PTPRM: variants seen among roughly 807,000 people sequenced by gnomAD.
PTPRM encodes receptor-type tyrosine-protein phosphatase mu.
Under a neutral mutation model 186.7 loss-of-function variants are expected in PTPRM, and 47 were observed. The ratio of observed to expected loss-of-function variants is 0.25; its 90% confidence interval spans 0.20 to 0.32. PTPRM has a LOEUF of 0.32. Ranked by LOEUF, PTPRM falls within the 10% of genes least tolerant of loss-of-function variation. The probability of loss-of-function intolerance (pLI) is 1.00; values close to 1 mark genes in which losing one functional copy is unlikely to be tolerated. For synonymous variants in PTPRM, 668 were observed against 674.9 expected, an observed-to-expected ratio of 0.99 and a Z score of 0.16; for missense variants, 1,494 against 1,865.0, an observed-to-expected ratio of 0.80 and a Z score of 3.66.
At chr18:8,324,029 G>A in intron 22 of PTPRM, among the ~76,000 whole-genome samples, 1 of 152,098 alleles carries the variant, frequency 6.6e-6, no homozygotes, top group Non-Finnish European at 1.5e-5. Context: ...GCTATTTGGG[G>A]ATAAGACAGA....
chr18:8,318,506 A>G (rs1259073972), intron 21 of PTPRM, among the ~76,000 whole-genome samples: 1 of 151,896 alleles, frequency 6.6e-6, no homozygotes, highest in African/African-American at 2.4e-5. Context: ...CATGTTGTGC[A>G]GGCTGGTCTC....
rs2147587021 is a variant in PTPRM at position 8,268,041 on chromosome 18, T to A, written c.2754+14627T>A. 3.9e-5 allele frequency among the ~76,000 whole-genome samples: 6 copies of A among 152,282 alleles called. No homozygotes were observed. In the South Asian group the frequency reaches 1.2e-3, roughly 32 times the overall value. ...TTCTGTAGAAACATGTTGTTAATTC[T>A]CAGTATTTGTGTTTCCATAATTTTA... On this transcript the variant is annotated intron_variant, in intron 19 of 32. Coordinates refer to ENST00000580170, the MANE Select transcript of PTPRM (RefSeq NM_001105244.2).
chr18:7,688,578 T>C (rs1217119327), intron 1 of PTPRM, among the ~76,000 whole-genome samples: 1 of 152,144 alleles, frequency 6.6e-6, no homozygotes, highest in Non-Finnish European at 1.5e-5. Context: ...TTCAGGAGTA[T>C]TCCAAGGTCA....
intron 14 of PTPRM, among the ~76,000 whole-genome samples, chr18:8,200,029 CTT>C (rs1254153757): frequency 6.6e-6 from 1 of 152,074 alleles, no homozygotes; most frequent in African/African-American, 2.4e-5. Context: ...CAAAAAGAGA[CTT>C]TACAACTGTC....
At chr18:7,834,857 G>A (rs1186096181) in intron 2 of PTPRM, among the ~76,000 whole-genome samples, 1 of 151,654 alleles carries the variant, frequency 6.6e-6, no homozygotes, top group South Asian at 2.1e-4. Flanking sequence ...ATGTGTTTAG[G>A]GATTTGTTCG....
intron 7 of PTPRM, among the ~76,000 whole-genome samples, chr18:8,045,768 T>A (rs1420600327): frequency 6.6e-6 from 1 of 152,212 alleles, no homozygotes; most frequent in Non-Finnish European, 1.5e-5. Flanking sequence ...GGTCTGTGAA[T>A]GTACTAAAAA....
chr18:7,979,327 A>G (rs548784356), intron 7 of PTPRM, among the ~76,000 whole-genome samples: 3 of 152,292 alleles, frequency 2.0e-5, no homozygotes, highest in South Asian at 4.1e-4. Flanking sequence ...TGTACATAAA[A>G]CTATTTGGGA....
intron 14 of PTPRM, among the ~76,000 whole-genome samples, chr18:8,191,753 C>T (rs566989814): frequency 6.6e-6 from 1 of 152,284 alleles, no homozygotes; most frequent in African/African-American, 2.4e-5. Flanking sequence ...GGAGACTCCT[C>T]TGACTACATT....
Position 8,088,665 on chromosome 18 carries a change from T to C in PTPRM, c.1754-84T>C, listed in dbSNP as rs538765244. 91 of 1,128,376 alleles carry C rather than the reference T, an allele frequency of 8.1e-5. 3 individuals are homozygous for C. In the South Asian group the frequency reaches 1.1e-3, roughly 14 times the overall value. 69.9% of individuals were successfully genotyped at this position (1,128,376 alleles called of 1,614,324 possible). A position where few individuals can be genotyped will look rare whatever the true frequency, so the allele number is the denominator to read the frequency against. The stretch of plus-strand genomic sequence containing the variant: ...TAAAGTAAATGCACTGTGTTCTTAA[T>C]GCTCTTTGTAAAAGAAAGTGGAAAC... On this transcript the variant is annotated intron_variant, in intron 10 of 32. Coordinates refer to ENST00000580170, the MANE Select transcript of PTPRM (RefSeq NM_001105244.2).
chr18:7,930,846 C>A (rs1209293700), intron 5 of PTPRM, among the ~76,000 whole-genome samples: 1 of 151,944 alleles, frequency 6.6e-6, no homozygotes, highest in Non-Finnish European at 1.5e-5. Context: ...GTAAATAAAT[C>A]TGATGATGAC....
chr18:7,586,068 G>C (rs867754674), intron 1 of PTPRM, among the ~76,000 whole-genome samples: 15 of 152,130 alleles, frequency 9.9e-5, no homozygotes, highest in African/African-American at 3.6e-4. Context: ...TACAGGCCTG[G>C]AAATCAACTG....
chr18:7,998,123 G>A (rs145366021), intron 7 of PTPRM, among the ~76,000 whole-genome samples: 239 of 152,160 alleles, frequency 1.6e-3, no homozygotes, highest in African/African-American at 5.5e-3. Context: ...GTGAAGATAC[G>A]GAGTCAACCC....
intron 7 of PTPRM, among the ~76,000 whole-genome samples, chr18:8,021,334 AC>A (rs2085213636): frequency 6.7e-6 from 1 of 149,736 alleles, no homozygotes; most frequent in Non-Finnish European, 1.5e-5. Context: ...ACACACACAC[AC>A]ACACACACAC....
intron 2 of PTPRM, among the ~76,000 whole-genome samples, chr18:7,835,304 A>T (rs1057168553): frequency 6.6e-6 from 1 of 151,368 alleles, no homozygotes; most frequent in Non-Finnish European, 1.5e-5. Flanking sequence ...GTTTCAATAA[A>T]TTTTTTAATT....
chr18:8,265,006 A>G lies in PTPRM; in HGVS notation c.2754+11592A>G, dbSNP rs144779657. Among the ~76,000 whole-genome samples, 764 of 152,272 alleles carry G rather than the reference A, an allele frequency of 5.0e-3. 3 individuals are homozygous for G. The highest frequency in any genetic ancestry group is 0.017 in the African/African-American group (713 of 41,556). ...GCACATGACTTCTGTATGAAACTCC[A>G]TGAAGACACAGACCTATGGAAATAA... On this transcript the variant is annotated intron_variant, in intron 19 of 32. Coordinates refer to ENST00000580170, the MANE Select transcript of PTPRM (RefSeq NM_001105244.2).
At chr18:8,077,350 T>G (rs560146539) in intron 9 of PTPRM, among the ~76,000 whole-genome samples, 1 of 152,214 alleles carries the variant, frequency 6.6e-6, no homozygotes, top group East Asian at 1.9e-4. Context: ...GACAAAAGCC[T>G]GTAAAGATGA....
intron 1 of PTPRM, among the ~76,000 whole-genome samples, chr18:7,633,192 T>C (rs1416652450): frequency 1.3e-5 from 2 of 152,140 alleles, no homozygotes; most frequent in Admixed American, 6.5e-5. Flanking sequence ...GCTTTTTAGT[T>C]GTATTAATGA....
At chr18:7,598,257 A>G (rs1257527659) in intron 1 of PTPRM, among the ~76,000 whole-genome samples, 1 of 152,218 alleles carries the variant, frequency 6.6e-6, no homozygotes. Context: ...GCCAATAGCT[A>G]AGTAATATCT....
At chr18:8,239,919 T>C (rs2094396820) in intron 14 of PTPRM, among the ~76,000 whole-genome samples, 1 of 152,192 alleles carries the variant, frequency 6.6e-6, no homozygotes, top group Non-Finnish European at 1.5e-5. Flanking sequence ...AGTTTGGAGA[T>C]TGGAGATTAA....
Sources: allele counts gnomAD v4.1 joint callset (sites outside exome capture counted in the v4.1 genomes callset), GRCh38; gene constraint gnomAD v4.1.1; transcripts MANE v1.5; gene names NCBI Gene and HGNC (gene_info 2026-07-23, HGNC 2026-07-21).